GRID1: variants seen among roughly 807,000 people sequenced by gnomAD.
The protein encoded by GRID1 is glutamate receptor ionotropic, delta-1.
A neutral mutation model predicts 98.0 loss-of-function variants in GRID1; 28 were observed. The observed-to-expected ratio is 0.29, with a 90% confidence interval of 0.21 to 0.39. The LOEUF is 0.39. GRID1 is among the 10% of genes least tolerant of loss of function. The pLI is 1.00. For synonymous variants in GRID1, 553 were observed against 538.5 expected, an observed-to-expected ratio of 1.03 and a Z score of -0.37; for missense variants, 1,111 against 1,340.5, an observed-to-expected ratio of 0.83 and a Z score of 2.67.
intron 4 of GRID1, among the ~76,000 whole-genome samples, chr10:85,934,551 C>T (rs1450128501): frequency 3.3e-5 from 5 of 152,092 alleles, no homozygotes; most frequent in Non-Finnish European, 7.4e-5. Context: ...TCTAGATTCA[C>T]ATTTAGTGCT....
intron 4 of GRID1, among the ~76,000 whole-genome samples, chr10:86,090,303 G>A (rs547597766): frequency 6.6e-6 from 1 of 151,736 alleles, no homozygotes; most frequent in African/African-American, 2.4e-5. Context: ...GTGCACACCT[G>A]TAGTCCCAGC....
intron 5 of GRID1, among the ~76,000 whole-genome samples, chr10:85,890,350 C>T (rs1397132608): frequency 6.6e-6 from 1 of 151,980 alleles, no homozygotes; most frequent in Non-Finnish European, 1.5e-5. Context: ...ATGCTCATTA[C>T]CCTGATTTGA....
At chr10:86,269,491 T>A (rs1320088072) in intron 2 of GRID1, among the ~76,000 whole-genome samples, 1 of 152,248 alleles carries the variant, frequency 6.6e-6, no homozygotes, top group Non-Finnish European at 1.5e-5. Context: ...CTCTGCACAC[T>A]GGCTGACATT....
intron 8 of GRID1, among the ~76,000 whole-genome samples, chr10:85,768,413 T>TAAA (rs11451116): frequency 2.0e-5 from 3 of 149,846 alleles, no homozygotes; most frequent in African/African-American, 7.3e-5. Flanking sequence ...TTCCAAGTGG[T>TAAA]AAAAAAAAAA....
chr10:86,266,871 C>G (rs186840003), intron 2 of GRID1, among the ~76,000 whole-genome samples: 15 of 152,276 alleles, frequency 9.9e-5, no homozygotes, highest in African/African-American at 2.6e-4. Context: ...GGGACTCCCC[C>G]TACCCCTCCA....
chr10:85,638,123 AT>A (rs1393571196), intron 13 of GRID1, among the ~76,000 whole-genome samples: 1 of 96,150 alleles, frequency 1.0e-5, no homozygotes, highest in African/African-American at 8.2e-5. Context: ...CCAAAGTAAA[AT>A]AAGAAGAAAA....
intron 4 of GRID1, among the ~76,000 whole-genome samples, chr10:86,124,999 C>A (rs1249198282): frequency 6.6e-6 from 1 of 152,204 alleles, no homozygotes; most frequent in Non-Finnish European, 1.5e-5. Context: ...AGGGAGCAAT[C>A]ATAAGATGAG....
At chr10:86,005,487 G>A (rs1250999875) in intron 4 of GRID1, among the ~76,000 whole-genome samples, 1 of 152,178 alleles carries the variant, frequency 6.6e-6, no homozygotes, top group East Asian at 1.9e-4. Context: ...AGGGGAACAA[G>A]GGTGTGAAAC....
chr10:86,312,431 T>C (rs1847843351), intron 2 of GRID1, among the ~76,000 whole-genome samples: 1 of 152,228 alleles, frequency 6.6e-6, no homozygotes, highest in South Asian at 2.1e-4. Flanking sequence ...GGGAGGGGAC[T>C]GCTTTCCTTC....
intron 4 of GRID1, among the ~76,000 whole-genome samples, chr10:86,025,537 T>C (rs1296740993): frequency 2.0e-5 from 3 of 152,198 alleles, no homozygotes. Flanking sequence ...TACCACGTGC[T>C]TTCCAAATGC....
chr10:86,111,271 G>C (rs748272444), intron 4 of GRID1, among the ~76,000 whole-genome samples: 1 of 152,128 alleles, frequency 6.6e-6, no homozygotes, highest in Non-Finnish European at 1.5e-5. Context: ...CAAGTCACAG[G>C]GTTTTTAATT....
chr10:85,855,376 C>T (rs1292836401), intron 7 of GRID1, among the ~76,000 whole-genome samples: 1 of 152,216 alleles, frequency 6.6e-6, no homozygotes, highest in African/African-American at 2.4e-5. Flanking sequence ...ATTTATCTCT[C>T]ATAGTCCCTG....
intron 4 of GRID1, among the ~76,000 whole-genome samples, chr10:86,076,419 C>T (rs1485078526): frequency 3.3e-5 from 5 of 152,358 alleles, no homozygotes; most frequent in African/African-American, 4.8e-5. Context: ...TCGGCAGCTG[C>T]TGCTCTCAGC....
rs1301767347 is a variant in GRID1 at position 85,922,258 on chromosome 10, T to C, written c.727-6019A>G. Among the ~76,000 whole-genome samples, 2 of 152,240 alleles carry C rather than the reference T, an allele frequency of 1.3e-5. 1 individual carries two copies. The highest frequency in any genetic ancestry group is 2.9e-5 in the Non-Finnish European group (2 of 68,032). ...GGTGCTGTCCTTCTCCAGGTTAACTTGTTCTCATAAGCCTGAAACCATTAT... is the reference window on the plus strand; with the variant it reads ...GGTGCTGTCCTTCTCCAGGTTAACTCGTTCTCATAAGCCTGAAACCATTAT... On this transcript the variant is annotated intron_variant, in intron 4 of 15. Coordinates refer to ENST00000327946, the MANE Select transcript of GRID1 (RefSeq NM_017551.3).
In GRID1 at chr10:85,647,236, T is replaced by C. The variant is rs778320096; in HGVS notation, c.2159A>G (p.Asn720Ser). Residue 720 changes from asparagine to serine, a missense_variant, in exon 13 of 16, where the codon AAC becomes AGC. Transcript: ENST00000327946. Reference sequence around the variant, plus strand: ...GCCTTCTGAAGGACTGGACACGCAGTTGTCAGCCCCTCCGTTCTTGCTGAT... The same window carrying C: ...GCCTTCTGAAGGACTGGACACGCAGCTGTCAGCCCCTCCGTTCTTGCTGAT... Reference protein sequence around the residue: ...RTISKNGGADNCVSSPSEGIR... With the variant: ...RTISKNGGADSCVSSPSEGIR... The C allele has an allele frequency of 6.2e-7, 1 of 1,614,212 alleles. No individual in the cohort carries two copies. Among genetic ancestry groups the C allele is most frequent in the Admixed American group, 1.7e-5 (1 of 60,030 alleles).
rs1382203661 is a variant in GRID1, at chr10:85,716,398, C to A, written c.1997+6605G>T. Among the ~76,000 whole-genome samples, 14 of 152,054 alleles carry A rather than the reference C, an allele frequency of 9.2e-5. No homozygotes were observed. In the South Asian group the frequency reaches 2.9e-3, roughly 32 times the overall value. On this transcript the variant is annotated intron_variant, in intron 12 of 15. Transcript: ENST00000327946. Reference sequence around the variant, plus strand: ...GACACAGGAAGGGCAACATCACACACCGGGGACTGTTGTGGGGTGGGCGGA... The same window carrying A: ...GACACAGGAAGGGCAACATCACACAACGGGGACTGTTGTGGGGTGGGCGGA...
At chr10:86,046,155 T>C (rs145960164) in intron 4 of GRID1, among the ~76,000 whole-genome samples, 1 of 152,292 alleles carries the variant, frequency 6.6e-6, no homozygotes, top group Non-Finnish European at 1.5e-5. Flanking sequence ...CCCCTTTCCA[T>C]GGCAATGACC....
At chr10:85,910,275 T>C (rs567421601) in intron 5 of GRID1, among the ~76,000 whole-genome samples, 1 of 152,330 alleles carries the variant, frequency 6.6e-6, no homozygotes, top group African/African-American at 2.4e-5. Flanking sequence ...TTTCTCTGGG[T>C]CCCAAATAGA....
At position 85,706,517 on chromosome 10, in the gene GRID1, G is replaced by A. The variant is rs61858668; in HGVS notation, c.1997+16486C>T. On this transcript the variant is annotated intron_variant, in intron 12 of 15. Coordinates refer to ENST00000327946, the MANE Select transcript of GRID1 (RefSeq NM_017551.3). ...CTCATGGGTAGGAAGAATCAATATCGTGAAAATGGCCATACTGCCCAAGGT... is the reference window on the plus strand; with the variant it reads ...CTCATGGGTAGGAAGAATCAATATCATGAAAATGGCCATACTGCCCAAGGT... Among the ~76,000 whole-genome samples the A allele has an allele frequency of 1.2e-4, 18 of 152,244 alleles. No individual in the cohort carries two copies. In the South Asian group the frequency reaches 2.1e-3, roughly 18 times the overall value.
Sources: allele counts gnomAD v4.1 joint callset (sites outside exome capture counted in the v4.1 genomes callset), GRCh38; gene constraint gnomAD v4.1.1; transcripts MANE v1.5; gene names NCBI Gene and HGNC (gene_info 2026-07-23, HGNC 2026-07-21).